DCDC2: variants seen among roughly 807,000 people sequenced by gnomAD.
DCDC2 encodes the protein doublecortin domain containing 2.
In DCDC2, 40 loss-of-function variants were observed where a neutral mutation model predicts 50.2. The observed-to-expected ratio is 0.80, with a 90% CI of 0.62 to 1.04. The LOEUF (loss-of-function observed/expected upper bound fraction) is 1.04, where lower values mean the gene tolerates loss of function less well. Among genes scored for constraint, DCDC2 ranks in the 50% least tolerant of loss-of-function variants. DCDC2 has a pLI of 0.00. For missense variants in DCDC2, 570 were observed against 581.9 expected, an observed-to-expected ratio of 0.98 and a Z score of 0.21; for synonymous variants, 234 against 210.6, an observed-to-expected ratio of 1.11 and a Z score of -0.96.
intron 7 of DCDC2, among the ~76,000 whole-genome samples, chr6:24,264,534 T>G (rs1213080249): frequency 6.6e-6 from 1 of 152,102 alleles, no homozygotes; most frequent in Non-Finnish European, 1.5e-5. Flanking sequence ...TTTTTGCAAT[T>G]AGTGCTAAGT....
intron 7 of DCDC2, among the ~76,000 whole-genome samples, chr6:24,234,663 G>T (rs1233411411): frequency 6.6e-6 from 1 of 152,134 alleles, no homozygotes; most frequent in African/African-American, 2.4e-5. Context: ...AAAAGGAAGG[G>T]GAACATTAAG....
intron 8 of DCDC2, among the ~76,000 whole-genome samples, chr6:24,192,497 A>G (rs1290814257): frequency 1.3e-5 from 2 of 152,164 alleles, no homozygotes; most frequent in Non-Finnish European, 2.9e-5. Context: ...AAAGAAAACA[A>G]AAAAGAACCT....
Position 24,282,352 on chromosome 6 carries a change from C to G in DCDC2, c.760-4141G>C, listed in dbSNP as rs1487544677. Among the ~76,000 whole-genome samples, 3 of 152,218 alleles carry G rather than the reference C, an allele frequency of 2.0e-5. No homozygotes were observed. In the East Asian group the frequency reaches 5.8e-4, roughly 29 times the overall value. ...CCGCCTCCCAGGTTCAAGTGATTCTCTTGCCTCAGCCTCCTGATTAGCTGG... is the reference window on the plus strand; with the variant it reads ...CCGCCTCCCAGGTTCAAGTGATTCTGTTGCCTCAGCCTCCTGATTAGCTGG... On this transcript the variant is annotated intron_variant, in intron 6 of 9. Transcript: ENST00000378454.
chr6:24,266,644 A>G (rs1435378061), intron 7 of DCDC2, among the ~76,000 whole-genome samples: 1 of 152,152 alleles, frequency 6.6e-6, no homozygotes, highest in Non-Finnish European at 1.5e-5. Flanking sequence ...CAGTTATTTT[A>G]TTCGGAAGAC....
rs766600237 is a variant in DCDC2 at position 24,178,628 on chromosome 6, G to A, written c.1028C>T (p.Pro343Leu). ...TTCTTCCTCGTCTACTATTTCTGCT[G>A]GCCTCTGATGGATCAAAAGGAATAA... ...TQVEVPVDQR[P>L]AEIVDEEEDG... The change falls in exon 9 of 10, where the codon CCA becomes CTA. Residue 343 changes from proline to leucine, a missense_variant. Coordinates refer to ENST00000378454, the MANE Select transcript of DCDC2 (RefSeq NM_016356.5). 71 of 1,610,836 alleles carry A rather than the reference G, an allele frequency of 4.4e-5. No individual in the cohort carries two copies. The highest frequency in any genetic ancestry group is 5.7e-5 in the Non-Finnish European group (67 of 1,179,186).
At chr6:24,198,979 G>T (rs1250660009) in intron 8 of DCDC2, among the ~76,000 whole-genome samples, 1 of 152,180 alleles carries the variant, frequency 6.6e-6, no homozygotes, top group Non-Finnish European at 1.5e-5. Flanking sequence ...TCTGGGTAGG[G>T]CATCTCAGAA....
chr6:24,265,383 A>G (rs1763097023), intron 7 of DCDC2, among the ~76,000 whole-genome samples: 1 of 152,214 alleles, frequency 6.6e-6, no homozygotes, highest in African/African-American at 2.4e-5. Flanking sequence ...ATTAACAAAG[A>G]AACACTGGAC....
chr6:24,301,759 T>C lies in DCDC2; in HGVS notation c.513A>G (p.Gln171=). Reference sequence around the variant, plus strand: ...TCAGAGTGATTTTTTCTGTGACCATTTGTAGTACATGATCCCACTGATTCA... The same window carrying C: ...TCAGAGTGATTTTTTCTGTGACCATCTGTAGTACATGATCCCACTGATTCA... ...KTLNQWDHVL[Q]MVTEKITLRS... Residue 171 remains glutamine, a synonymous_variant, in exon 4 of 10, where the codon CAA becomes CAG. Coordinates refer to ENST00000378454, the MANE Select transcript of DCDC2 (RefSeq NM_016356.5). 5 of 1,614,128 alleles carry C rather than the reference T, an allele frequency of 3.1e-6. No individual in the cohort carries two copies. The highest frequency in any genetic ancestry group is 4.2e-6 in the Non-Finnish European group (5 of 1,180,028).
intron 8 of DCDC2, among the ~76,000 whole-genome samples, chr6:24,187,399 C>A (rs1333020651): frequency 1.3e-5 from 2 of 152,154 alleles, no homozygotes; most frequent in Non-Finnish European, 2.9e-5. Flanking sequence ...GGTAGAACCA[C>A]CTTCTCCAGA....
chr6:24,272,969 CAATG>C (rs1363706579), intron 7 of DCDC2, among the ~76,000 whole-genome samples: 1 of 151,958 alleles, frequency 6.6e-6, no homozygotes, highest in Non-Finnish European at 1.5e-5. Context: ...AAGTGTCCAT[CAATG>C]GATAACTGGA....
chr6:24,371,701 G>A, the DCDC2 span, among the ~76,000 whole-genome samples: 5 of 152,120 alleles, frequency 3.3e-5, no homozygotes, highest in Non-Finnish European at 7.4e-5. Flanking sequence ...TACAGAATGG[G>A]AGAAAATTTT....
chr6:24,198,090 A>G (rs962354316), intron 8 of DCDC2, among the ~76,000 whole-genome samples: 2 of 152,190 alleles, frequency 1.3e-5, no homozygotes, highest in Non-Finnish European at 2.9e-5. Flanking sequence ...AATACACACA[A>G]AGCAAATATT....
the DCDC2 span, among the ~76,000 whole-genome samples, chr6:24,376,737 CAAAA>C: frequency 8.3e-4 from 39 of 46,758 alleles, no homozygotes; most frequent in African/African-American, 3.7e-3. Context: ...CAGGTATATG[CAAAA>C]AAAAAAAAAA....
chr6:24,220,871 A>AGAGAGACAGAGAGC (rs776110753), intron 7 of DCDC2, among the ~76,000 whole-genome samples: 3 of 24,004 alleles, frequency 1.2e-4, no homozygotes, highest in African/African-American at 2.4e-4. Context: ...ACAGAGAGCA[A>AGAGAGACAGAGAGC]GAGAGCGAGA....
At chr6:24,334,129 A>G (rs190781430) in intron 2 of DCDC2, among the ~76,000 whole-genome samples, 270 of 152,370 alleles carry the variant, frequency 1.8e-3, no homozygotes, top group African/African-American at 6.2e-3. Flanking sequence ...AAATAATTCC[A>G]TAGTCCCTGA....
chr6:24,339,387 T>C (rs576785643), intron 2 of DCDC2, among the ~76,000 whole-genome samples: 1 of 152,168 alleles, frequency 6.6e-6, no homozygotes, highest in Non-Finnish European at 1.5e-5. Context: ...GCTTGCCTTG[T>C]CTGATATATT....
At chr6:24,292,465 TTG>T (rs1263066483) in intron 4 of DCDC2, among the ~76,000 whole-genome samples, 5 of 152,242 alleles carry the variant, frequency 3.3e-5, no homozygotes, top group African/African-American at 1.2e-4. Flanking sequence ...TGAAATGTAT[TTG>T]TGTTTTTAGT....
At chr6:24,255,890 C>T (rs190035762) in intron 7 of DCDC2, among the ~76,000 whole-genome samples, 1 of 151,932 alleles carries the variant, frequency 6.6e-6, no homozygotes, top group Non-Finnish European at 1.5e-5. Flanking sequence ...AATCATGTGG[C>T]CCAGCAATTC....
chr6:24,339,718 C>CAG (rs1367824960), intron 2 of DCDC2, among the ~76,000 whole-genome samples: 7 of 152,154 alleles, frequency 4.6e-5, no homozygotes, highest in Non-Finnish European at 1.0e-4. Context: ...TGTCTGTGTA[C>CAG]TCAGAGTAAT....
Sources: allele counts gnomAD v4.1 joint callset (sites outside exome capture counted in the v4.1 genomes callset), GRCh38; gene constraint gnomAD v4.1.1; transcripts MANE v1.5; gene names NCBI Gene and HGNC (gene_info 2026-07-23, HGNC 2026-07-21).